TTC39C: variants seen among roughly 807,000 people sequenced by gnomAD.
The protein encoded by TTC39C is tetratricopeptide repeat protein 39C.
TTC39C carries 33 observed loss-of-function variants against 76.3 expected under a neutral mutation model. That is an observed-to-expected ratio of 0.43 (90% CI 0.33 to 0.58). The LOEUF (loss-of-function observed/expected upper bound fraction) is 0.58, where lower values mean the gene tolerates loss of function less well. TTC39C is among the 20% of genes least tolerant of loss of function. The probability of loss-of-function intolerance (pLI) is 0.04; values close to 1 mark genes in which losing one functional copy is unlikely to be tolerated. For missense variants in TTC39C, 595 were observed against 701.4 expected (o/e 0.85, Z 1.71); for synonymous variants, 254 against 260.6 (o/e 0.97, Z 0.24).
chr18:24,017,883 CAA>C (rs990369506), intron 1 of TTC39C, among the ~76,000 whole-genome samples: 15 of 152,088 alleles, frequency 9.9e-5, no homozygotes, highest in Admixed American at 9.8e-4. Flanking sequence ...TCTAGTGTAA[CAA>C]TATTTTTTAT....
At chr18:23,997,323 G>A (rs2083269550) in intron 1 of TTC39C, among the ~76,000 whole-genome samples, 1 of 152,068 alleles carries the variant, frequency 6.6e-6, no homozygotes, top group Admixed American at 6.5e-5. Context: ...GGCCAAGGCA[G>A]GTGGGTCACC....
intron 1 of TTC39C, among the ~76,000 whole-genome samples, chr18:24,017,558 G>A (rs894392050): frequency 2.6e-5 from 4 of 152,222 alleles, no homozygotes; most frequent in Admixed American, 2.6e-4. Flanking sequence ...AAGACACAAT[G>A]TCCTGTGTGC....
chr18:24,073,554 G>T (rs141063897), intron 4 of TTC39C, among the ~76,000 whole-genome samples: 46 of 151,466 alleles, frequency 3.0e-4, no homozygotes, highest in Non-Finnish European at 5.6e-4. Context: ...AAGAGGCAAG[G>T]TCTCACTCTG....
intron 6 of TTC39C, chr18:24,113,311 A>G (rs2084840844): frequency 2.1e-6 from 1 of 476,748 alleles, no homozygotes; most frequent in Non-Finnish European, 3.8e-6. Flanking sequence ...TCACCTGCTG[A>G]CTCATTGGTG....
chr18:24,013,985 TA>T (rs1246820288), upstream of TTC39C, among the ~76,000 whole-genome samples: 9 of 152,264 alleles, frequency 5.9e-5, no homozygotes, highest in African/African-American at 2.2e-4. Flanking sequence ...ACATGGCATA[TA>T]GGCCTCCATT....
chr18:24,054,293 C>T (rs1364685326), intron 1 of TTC39C, among the ~76,000 whole-genome samples: 1 of 152,164 alleles, frequency 6.6e-6, no homozygotes, highest in Non-Finnish European at 1.5e-5. Context: ...TGTATTGAAT[C>T]GCCCCATTAT....
At chr18:23,996,581 T>C (rs1216139058) in intron 1 of TTC39C, among the ~76,000 whole-genome samples, 1 of 152,210 alleles carries the variant, frequency 6.6e-6, no homozygotes, top group African/African-American at 2.4e-5. Flanking sequence ...TCTTCTGCTT[T>C]AAAATCATGG....
intron 1 of TTC39C, among the ~76,000 whole-genome samples, chr18:24,051,225 C>T (rs1408842997): frequency 6.6e-6 from 1 of 152,250 alleles, no homozygotes; most frequent in African/African-American, 2.4e-5. Context: ...TTCCCATCCC[C>T]TGCCTGTTAC....
chr18:24,016,877 C>T, intron 1 of TTC39C: 1 of 396,418 alleles, frequency 2.5e-6, no homozygotes, highest in Non-Finnish European at 4.4e-6. Flanking sequence ...GTGCTAGACA[C>T]ATTCCCTTAT....
chr18:24,025,885 A>G (rs1284089408), intron 1 of TTC39C, among the ~76,000 whole-genome samples: 1 of 152,158 alleles, frequency 6.6e-6, no homozygotes, highest in Non-Finnish European at 1.5e-5. Flanking sequence ...GCTGTGGCTG[A>G]AGGAGAGAGG....
At chr18:24,029,532 G>A (rs1377690202) in intron 1 of TTC39C, among the ~76,000 whole-genome samples, 3 of 152,136 alleles carry the variant, frequency 2.0e-5, no homozygotes, top group Admixed American at 2.0e-4. Context: ...CAGTAGTTTT[G>A]GGGGAACAGG....
chr18:24,006,779 G>GA (rs1473536438), intron 1 of TTC39C, among the ~76,000 whole-genome samples: 1 of 152,120 alleles, frequency 6.6e-6, no homozygotes, highest in Non-Finnish European at 1.5e-5. Context: ...ATCAGTCCAG[G>GA]AATAAATGGA....
At chr18:24,015,266 C>T (rs2083440355) in intron 1 of TTC39C, 1 of 408,094 alleles carries the variant, frequency 2.5e-6, no homozygotes, top group Non-Finnish European at 4.3e-6. Context: ...CGGGACCCGC[C>T]GCGCGCCCGC....
intron 1 of TTC39C, among the ~76,000 whole-genome samples, chr18:24,058,878 TCAGCA>T (rs1478028794): frequency 2.6e-5 from 4 of 152,226 alleles, no homozygotes; most frequent in Non-Finnish European, 5.9e-5. Context: ...CTAATGATTT[TCAGCA>T]CTTTTTAATA....
At position 24,064,128 on chromosome 18, in the gene TTC39C, T is replaced by TG. The variant is rs774230053; in HGVS notation, c.168-12_168-11insG. Reference sequence around the variant, plus strand: ...ATTGTATTTTGTGTGTGTGTGTGTGTTTTTTTAACAGAAATCATAGCCCAC... The same window carrying TG: ...ATTGTATTTTGTGTGTGTGTGTGTGTGTTTTTTAACAGAAATCATAGCCCAC... On this transcript the variant is annotated splice_polypyrimidine_tract_variant and intron_variant, in intron 1 of 13. Coordinates refer to ENST00000317571, the MANE Select transcript of TTC39C (RefSeq NM_001135993.2). The TG allele has an allele frequency of 1.7e-5, 27 of 1,608,784 alleles. No individual in the cohort carries two copies. In the Admixed American group the frequency reaches 1.9e-4, roughly 11 times the overall value.
At chr18:24,020,076 C>T (rs1024218676) in intron 1 of TTC39C, 65 of 1,342,374 alleles carry the variant, frequency 4.8e-5, no homozygotes, top group East Asian at 9.0e-5. Context: ...CTCCTGGAGA[C>T]GATAGGAGAG....
At chr18:24,011,655 T>A (rs889453556), upstream of TTC39C, among the ~76,000 whole-genome samples, 2 of 152,234 alleles carry the variant, frequency 1.3e-5, no homozygotes, top group Non-Finnish European at 2.9e-5. Context: ...TTTTTTAAAA[T>A]CTACCTTCTT....
intron 1 of TTC39C, among the ~76,000 whole-genome samples, chr18:23,998,501 T>G (rs1161151012): frequency 6.6e-6 from 1 of 152,020 alleles, no homozygotes; most frequent in African/African-American, 2.4e-5. Flanking sequence ...TCCCAGCTAC[T>G]TGGGAGGTTG....
chr18:24,027,527 G>T (rs1193868909), intron 1 of TTC39C, among the ~76,000 whole-genome samples: 1 of 150,252 alleles, frequency 6.7e-6, no homozygotes, highest in Non-Finnish European at 1.5e-5. Context: ...TAGCATGTTG[G>T]AATTCATCAG....
Sources: allele counts gnomAD v4.1 joint callset (sites outside exome capture counted in the v4.1 genomes callset), GRCh38; gene constraint gnomAD v4.1.1; transcripts MANE v1.5; gene names NCBI Gene and HGNC (gene_info 2026-07-23, HGNC 2026-07-21).